ARMC9: variants seen among roughly 807,000 people sequenced by gnomAD.
ARMC9 encodes the protein lisH domain-containing protein ARMC9.
In ARMC9, 94 loss-of-function variants were observed where a neutral mutation model predicts 107.0. That is an observed-to-expected ratio of 0.88 (90% CI 0.74 to 1.04). The LOEUF (loss-of-function observed/expected upper bound fraction) is 1.04, where lower values mean the gene tolerates loss of function less well. Among genes scored for constraint, ARMC9 ranks in the 50% least tolerant of loss-of-function variants. The pLI, the probability that ARMC9 is intolerant of heterozygous loss-of-function variation, is 0.00. For synonymous variants in ARMC9, 380 were observed against 396.9 expected (o/e 0.96, Z 0.51); for missense variants, 942 against 1,030.1 (o/e 0.91, Z 1.17).
chr2:231,234,785 T>A (rs892023366), intron 7 of ARMC9, among the ~76,000 whole-genome samples: 7 of 152,170 alleles, frequency 4.6e-5, no homozygotes, highest in African/African-American at 1.7e-4. Flanking sequence ...TGTATTTTTT[T>A]AGTAGAGATG....
intron 7 of ARMC9, among the ~76,000 whole-genome samples, chr2:231,230,475 G>A (rs906356901): frequency 2.0e-5 from 3 of 152,210 alleles, no homozygotes; most frequent in Non-Finnish European, 4.4e-5. Flanking sequence ...CTGAAATAAA[G>A]CTGATGTGTT....
intron 9 of ARMC9, among the ~76,000 whole-genome samples, chr2:231,246,939 C>G (rs570935341): frequency 2.0e-5 from 3 of 151,390 alleles, no homozygotes; most frequent in Admixed American, 6.6e-5. Flanking sequence ...ACTACAGATA[C>G]ATGTCACCAC....
intron 23 of ARMC9, among the ~76,000 whole-genome samples, chr2:231,364,234 G>T (rs1418334449): frequency 1.3e-5 from 2 of 152,228 alleles, no homozygotes; most frequent in Non-Finnish European, 2.9e-5. Context: ...CCAGCCAGGT[G>T]TGGGGTGCTT....
intron 14 of ARMC9, among the ~76,000 whole-genome samples, chr2:231,273,705 G>A (rs927477659): frequency 6.6e-6 from 1 of 152,132 alleles, no homozygotes; most frequent in Non-Finnish European, 1.5e-5. Context: ...GTGAGTCACC[G>A]CACCCGGCCC....
rs2046200526 is a variant in ARMC9 at position 231,376,456 on chromosome 2, A to T, written c.*4921A>T. Among the ~76,000 whole-genome samples, 1 of 152,066 alleles carries T rather than the reference A, an allele frequency of 6.6e-6. No homozygotes were observed. The highest frequency in any genetic ancestry group is 2.4e-5 in the African/African-American group (1 of 41,386). ...GGGGCGTGGTCGTCTCTTATGGTCG[A>T]GGCTGCAGAGATGAAATAAACTCCA... On this transcript the variant is annotated 3_prime_UTR_variant, in exon 25 of 25. Transcript: ENST00000611582.
chr2:231,303,603 A>AT (rs1449543390), intron 19 of ARMC9, among the ~76,000 whole-genome samples: 8 of 151,986 alleles, frequency 5.3e-5, no homozygotes, highest in South Asian at 2.1e-4. Context: ...TCATTCTTTG[A>AT]TTTTTTCCCT....
chr2:231,364,071 C>T (rs974039294), intron 23 of ARMC9, among the ~76,000 whole-genome samples: 2 of 152,140 alleles, frequency 1.3e-5, no homozygotes, highest in African/African-American at 2.4e-5. Flanking sequence ...ATTTATCCTG[C>T]GAAGAGCCAA....
intron 19 of ARMC9, among the ~76,000 whole-genome samples, chr2:231,307,230 G>A (rs1311702158): frequency 6.6e-6 from 1 of 152,230 alleles, no homozygotes; most frequent in Non-Finnish European, 1.5e-5. Context: ...GCTGAGAGAG[G>A]GGTAAGTATA....
chr2:231,280,719 G>C (rs1234518473), intron 16 of ARMC9, among the ~76,000 whole-genome samples: 1 of 152,104 alleles, frequency 6.6e-6, no homozygotes, highest in Non-Finnish European at 1.5e-5. Flanking sequence ...AGGAAAAGTT[G>C]CATCACATGT....
At chr2:231,277,154 A>G (rs2039831468) in intron 15 of ARMC9, among the ~76,000 whole-genome samples, 1 of 152,076 alleles carries the variant, frequency 6.6e-6, no homozygotes, top group African/African-American at 2.4e-5. Flanking sequence ...ACTAAACCAC[A>G]CTTCCTGCCC....
intron 12 of ARMC9, among the ~76,000 whole-genome samples, chr2:231,262,728 T>G (rs927788788): frequency 1.3e-5 from 2 of 152,126 alleles, no homozygotes; most frequent in African/African-American, 4.8e-5. Flanking sequence ...GTAAGCAAAT[T>G]CAGGTTGTTT....
chr2:231,360,969 A>G lies in ARMC9; in HGVS notation c.2261+86A>G. The stretch of plus-strand genomic sequence containing the variant: ...ACGCCGGATGCAGAGCACCCAGGAG[A>G]CCTGGAAGGCTCCTCTGAGGCCCAG... On this transcript the variant is annotated intron_variant, in intron 23 of 24. Transcript: ENST00000611582. The surrounding 1 kb of genome is among the most constrained non-coding windows in gnomAD (Gnocchi z 4.7). The G allele has an allele frequency of 7.0e-7, 1 of 1,438,170 alleles. No homozygotes were observed. Among genetic ancestry groups the G allele is most frequent in the Non-Finnish European group, 9.1e-7 (1 of 1,099,744 alleles). The allele number at this position is 1,438,170 out of a possible 1,614,324, so 89.1% of individuals were successfully genotyped here. A position where few individuals can be genotyped will look rare whatever the true frequency, so the allele number is the denominator to read the frequency against.
intron 17 of ARMC9, 85 bp from the exon 18 acceptor site, chr2:231,291,268 T>C: frequency 9.4e-7 from 1 of 1,065,008 alleles, no homozygotes; most frequent in African/African-American, 1.6e-5. Flanking sequence ...ACATTATTTT[T>C]TGGATTAGAT....
chr2:231,249,550 G>A (rs1378895092), intron 9 of ARMC9, among the ~76,000 whole-genome samples: 1 of 152,074 alleles, frequency 6.6e-6, no homozygotes, highest in African/African-American at 2.4e-5. Flanking sequence ...CTGGGAGGCA[G>A]GCCCCAGGTC....
At chr2:231,332,725 G>T (rs1229203973) in intron 20 of ARMC9, among the ~76,000 whole-genome samples, 1 of 152,156 alleles carries the variant, frequency 6.6e-6, no homozygotes, top group Non-Finnish European at 1.5e-5. Context: ...GTGGGATGCT[G>T]GAGTGTAAGG....
At chr2:231,270,756 GT>G (rs1185226325) in intron 12 of ARMC9, 2 of 663,940 alleles carry the variant, frequency 3.0e-6, no homozygotes, top group South Asian at 1.5e-5. Flanking sequence ...AGGGCTTCGT[GT>G]AATTAATTCA....
At chr2:231,263,641 G>A (rs889624222) in intron 12 of ARMC9, among the ~76,000 whole-genome samples, 6 of 152,280 alleles carry the variant, frequency 3.9e-5, no homozygotes, top group African/African-American at 1.2e-4. Context: ...CCGTGGGAAA[G>A]TGAGTTACAC....
chr2:231,297,236 T>G lies in ARMC9; in HGVS notation c.1773+983T>G, dbSNP rs1256280159. The stretch of plus-strand genomic sequence containing the variant: ...GCAGGTGGCATCAGCGGGTACGTGC[T>G]CCTGCTGGCTCTTCCTGCCTTGTCC... On this transcript the variant is annotated intron_variant, in intron 19 of 24. Transcript: ENST00000611582. The surrounding 1 kb of genome is among the most constrained non-coding windows in gnomAD (Gnocchi z 4.2). 6.6e-6 allele frequency among the ~76,000 whole-genome samples: 1 copy of G among 152,174 alleles called. No individual in the cohort carries two copies. Among genetic ancestry groups the G allele is most frequent in the African/African-American group, 2.4e-5 (1 of 41,430 alleles).
chr2:231,269,021 C>T (rs151107195), intron 12 of ARMC9, among the ~76,000 whole-genome samples: 9 of 152,282 alleles, frequency 5.9e-5, no homozygotes, highest in African/African-American at 1.9e-4. Context: ...GCTGTGATCA[C>T]ACCACTGCAC....
Sources: allele counts gnomAD v4.1 joint callset (sites outside exome capture counted in the v4.1 genomes callset), GRCh38; gene constraint gnomAD v4.1.1; non-coding constraint Gnocchi (gnomAD v3.1); transcripts MANE v1.5; gene names NCBI Gene and HGNC (gene_info 2026-07-23, HGNC 2026-07-21).